The following AOPEP variants were observed in gnomAD, a reference collection of about 807,000 sequenced individuals.
AOPEP encodes aminopeptidase O.
In AOPEP, 77 loss-of-function variants were observed where a neutral mutation model predicts 98.1. The observed-to-expected ratio is 0.78, with a 90% CI of 0.65 to 0.95. The LOEUF is 0.95. Ranked by LOEUF, AOPEP falls within the 40% of genes least tolerant of loss-of-function variation. The pLI, the probability that AOPEP is intolerant of heterozygous loss-of-function variation, is 0.00. For synonymous variants in AOPEP, 346 were observed against 365.3 expected (o/e 0.95, Z 0.60); for missense variants, 1,024 against 1,024.7 (o/e 1.00, Z 0.01).
At chr9:95,004,188 C>T in intron 11 of AOPEP, 1 of 455,716 alleles carries the variant, frequency 2.2e-6, no homozygotes, top group African/African-American at 2.0e-5. Context: ...CCGCCCCGGC[C>T]CGCCCTCACC....
At chr9:95,045,260 C>T (rs982605837) in intron 13 of AOPEP, among the ~76,000 whole-genome samples, 1 of 152,200 alleles carries the variant, frequency 6.6e-6, no homozygotes, top group East Asian at 1.9e-4. Context: ...CGGGCGGACC[C>T]GTGTCCCGGC....
chr9:94,813,569 C>T (rs1851085662), intron 5 of AOPEP, among the ~76,000 whole-genome samples: 2 of 152,236 alleles, frequency 1.3e-5, no homozygotes, highest in Non-Finnish European at 2.9e-5. Flanking sequence ...AGAGAGACCT[C>T]TCTGCTCTGC....
intron 11 of AOPEP, among the ~76,000 whole-genome samples, chr9:95,001,334 A>G (rs2132584323): frequency 6.6e-6 from 1 of 152,370 alleles, no homozygotes; most frequent in African/African-American, 2.4e-5. Flanking sequence ...TGACAAAAAA[A>G]GTTTCTTAGA....
intron 5 of AOPEP, among the ~76,000 whole-genome samples, chr9:94,872,483 A>C (rs894854668): frequency 2.4e-4 from 36 of 152,142 alleles, no homozygotes; most frequent in African/African-American, 8.4e-4. Context: ...ATGATTCTGG[A>C]TCATTAACTC....
chr9:94,805,168 A>ATT (rs896581280), intron 5 of AOPEP, among the ~76,000 whole-genome samples: 2 of 145,718 alleles, frequency 1.4e-5, no homozygotes, highest in Non-Finnish European at 1.5e-5. Flanking sequence ...AAGAGATCAA[A>ATT]TTTTTTTTTT....
At chr9:94,862,791 G>A (rs75698161) in intron 5 of AOPEP, among the ~76,000 whole-genome samples, 4,964 of 152,222 alleles carry the variant, frequency 0.033, 280 homozygotes, top group African/African-American at 0.11. Context: ...TAGGTGGTGC[G>A]TGTTTGTCCT....
the AOPEP span, among the ~76,000 whole-genome samples, chr9:95,102,371 C>T: frequency 2.0e-5 from 3 of 152,288 alleles, 1 homozygote; most frequent in Non-Finnish European, 4.4e-5. Flanking sequence ...CTGATTCTTG[C>T]GGGAGAGCAG....
chr9:94,851,286 C>T lies in AOPEP; in HGVS notation c.1364+50284C>T, dbSNP rs544031258. Among the ~76,000 whole-genome samples the T allele has an allele frequency of 9.1e-4, 139 of 152,226 alleles. 1 individual carries two copies. The highest frequency in any genetic ancestry group is 3.0e-3 in the African/African-American group (124 of 41,524). ...CTAGCTGCCCTCAGCTGGAGTCCCA[C>T]GCCCGTTACCTCCACCAGTAAGAGC... On this transcript the variant is annotated intron_variant, in intron 5 of 16. Transcript: ENST00000375315.
At chr9:94,873,921 T>G (rs1270684657) in intron 5 of AOPEP, among the ~76,000 whole-genome samples, 1 of 152,142 alleles carries the variant, frequency 6.6e-6, no homozygotes, top group Non-Finnish European at 1.5e-5. Flanking sequence ...ACATCTTCTC[T>G]CAATGGAGGA....
intron 6 of AOPEP, among the ~76,000 whole-genome samples, chr9:94,926,942 C>A (rs573061159): frequency 1.0e-3 from 153 of 152,312 alleles, no homozygotes; most frequent in African/African-American, 3.6e-3. Context: ...TGGAGAAAGT[C>A]TAAATGCCTT....
intron 5 of AOPEP, among the ~76,000 whole-genome samples, chr9:94,890,142 C>G (rs1359311959): frequency 6.6e-6 from 1 of 151,996 alleles, no homozygotes. Context: ...ATTCTCCTGC[C>G]TCAGCCTCCC....
chr9:94,750,347 A>G (rs145605077), intron 1 of AOPEP, among the ~76,000 whole-genome samples: 5,775 of 152,166 alleles, frequency 0.038, 349 homozygotes, highest in African/African-American at 0.13. Flanking sequence ...GCACTTTAGG[A>G]GGCTGAGGTG....
At chr9:95,006,041 A>G (rs956995774) in intron 13 of AOPEP, 20 of 473,898 alleles carry the variant, frequency 4.2e-5, no homozygotes, top group Admixed American at 4.2e-4. Context: ...AGAGAAGAAG[A>G]AAGAAGTGGA....
At chr9:94,759,085 C>G (rs756619371) in intron 1 of AOPEP, among the ~76,000 whole-genome samples, 11 of 152,168 alleles carry the variant, frequency 7.2e-5, no homozygotes, top group Non-Finnish European at 1.3e-4. Context: ...TTAGAATGCA[C>G]TCCTGGTAAA....
intron 3 of AOPEP, among the ~76,000 whole-genome samples, chr9:94,785,181 C>T (rs1034788257): frequency 6.6e-5 from 10 of 152,124 alleles, no homozygotes; most frequent in Admixed American, 1.3e-4. Context: ...GTGATCCACC[C>T]GCCTCGGCCT....
intron 2 of AOPEP, 37 bp from the exon 3 acceptor site, chr9:94,772,965 G>T: frequency 6.5e-7 from 1 of 1,546,800 alleles, no homozygotes; most frequent in South Asian, 1.2e-5. Flanking sequence ...TCATTTTAAA[G>T]ATTCACCCCC....
chr9:94,806,290 T>G (rs1230532650), intron 5 of AOPEP, among the ~76,000 whole-genome samples: 1 of 152,222 alleles, frequency 6.6e-6, no homozygotes, highest in Non-Finnish European at 1.5e-5. Flanking sequence ...TCTCAGATTT[T>G]AATAAATTCT....
In AOPEP at chr9:94,842,699, T is replaced by C. The variant is rs187169097; in HGVS notation, c.1364+41697T>C. Among the ~76,000 whole-genome samples the C allele has an allele frequency of 1.6e-4, 25 of 152,332 alleles. No homozygotes were observed. The East Asian group carries it at 4.2e-3, about 26-fold the overall frequency. On this transcript the variant is annotated intron_variant, in intron 5 of 16. Transcript: ENST00000375315. ...TTTTCCTTTTATTTAAAGAATTTTC[T>C]TTAGAAATTATTTTAGAGCAAGATT...
intron 7 of AOPEP, among the ~76,000 whole-genome samples, 163 bp from the exon 8 acceptor site, chr9:94,955,014 G>T (rs965526892): frequency 2.0e-5 from 3 of 152,092 alleles, no homozygotes; most frequent in African/African-American, 4.8e-5. Context: ...TATAAATCCC[G>T]TAGACGAGTA....
Sources: gnomAD v4.1 joint callset for allele counts (sites outside exome capture counted in the v4.1 genomes callset) on GRCh38, gnomAD v4.1.1 for gene constraint, MANE v1.5 for transcripts, NCBI Gene and HGNC (gene_info 2026-07-23, HGNC 2026-07-21) for gene names.